The following SLC25A26 variants were observed in gnomAD, a reference collection of about 807,000 sequenced individuals.
SLC25A26 encodes the protein solute carrier family 25 member 26.
SLC25A26 carries 36 observed loss-of-function variants against 37.8 expected under a neutral mutation model. That is an observed-to-expected ratio of 0.95 (90% CI 0.73 to 1.26). SLC25A26 has a LOEUF of 1.26. Ranked by LOEUF, SLC25A26 falls within the 50% of genes most tolerant of loss-of-function variation. SLC25A26 has a pLI of 0.00. For synonymous variants in SLC25A26, 129 were observed against 122.5 expected (o/e 1.05, Z -0.35); for missense variants, 390 against 331.1 (o/e 1.18, Z -1.38).
intron 5 of SLC25A26, among the ~76,000 whole-genome samples, chr3:66,306,831 T>C (rs1179239430): frequency 6.6e-6 from 1 of 152,264 alleles, no homozygotes; most frequent in African/African-American, 2.4e-5. Flanking sequence ...GCAAAGGACA[T>C]GAACTCATAC....
intron 1 of SLC25A26, among the ~76,000 whole-genome samples, chr3:66,174,573 A>G (rs1021840782): frequency 6.6e-6 from 1 of 152,208 alleles, no homozygotes; most frequent in East Asian, 1.9e-4. Context: ...GAGGTCAGGA[A>G]ATCGAGACCA....
chr3:66,165,239 T>G (rs1341733952), intron 1 of SLC25A26, among the ~76,000 whole-genome samples: 1 of 152,178 alleles, frequency 6.6e-6, no homozygotes, highest in African/African-American at 2.4e-5. Flanking sequence ...TGGAAGTAGA[T>G]TCTCTAGCCC....
intron 1 of SLC25A26, among the ~76,000 whole-genome samples, chr3:66,175,105 G>C (rs1413886760): frequency 2.3e-5 from 1 of 43,344 alleles, no homozygotes; most frequent in Non-Finnish European, 5.0e-5. Flanking sequence ...GTATATGTGT[G>C]TGTGTATATA....
intron 1 of SLC25A26, among the ~76,000 whole-genome samples, chr3:66,158,965 AG>A (rs2070320613): frequency 6.6e-6 from 1 of 152,162 alleles, no homozygotes; most frequent in Non-Finnish European, 1.5e-5. Flanking sequence ...GACAGCATGC[AG>A]GGGGAGGTGC....
chr3:66,192,643 A>G (rs1308083391), intron 1 of SLC25A26, among the ~76,000 whole-genome samples: 1 of 152,240 alleles, frequency 6.6e-6, no homozygotes, highest in Non-Finnish European at 1.5e-5. Context: ...AGACATTCCT[A>G]TTAGAAGTCC....
chr3:66,351,250 T>C (rs1266403517), intron 6 of SLC25A26, among the ~76,000 whole-genome samples: 2 of 152,226 alleles, frequency 1.3e-5, no homozygotes, highest in African/African-American at 4.8e-5. Context: ...ATCCTGTTAC[T>C]GTGCTACATC....
At chr3:66,377,572 C>G in intron 9 of SLC25A26, 118 bp from the exon 10 acceptor site, 1 of 705,630 alleles carries the variant, frequency 1.4e-6, no homozygotes, top group East Asian at 2.5e-5. Flanking sequence ...CGTTCACAAG[C>G]TGTTTGGTAG....
intron 3 of SLC25A26, among the ~76,000 whole-genome samples, chr3:66,251,807 G>C (rs2073095112): frequency 6.6e-6 from 1 of 152,116 alleles, no homozygotes; most frequent in Non-Finnish European, 1.5e-5. Flanking sequence ...GTTTTCTGTT[G>C]TATGGATTTT....
At chr3:66,360,604 A>G (rs2076675900) in intron 6 of SLC25A26, among the ~76,000 whole-genome samples, 1 of 152,248 alleles carries the variant, frequency 6.6e-6, no homozygotes, top group African/African-American at 2.4e-5. Flanking sequence ...CAGTTTCTGC[A>G]TATTAGCAAT....
At chr3:66,320,240 A>G (rs783130) in intron 5 of SLC25A26, among the ~76,000 whole-genome samples, 7,856 of 152,218 alleles carry the variant, frequency 0.052, 229 homozygotes, top group African/African-American at 0.067. Context: ...CAAACTCTGT[A>G]ACCATTAAGC....
chr3:66,251,578 C>T (rs186629853), intron 3 of SLC25A26, among the ~76,000 whole-genome samples: 111 of 152,226 alleles, frequency 7.3e-4, no homozygotes, highest in Non-Finnish European at 1.5e-3. Context: ...GGAAAGAAGA[C>T]GAAAGAGAGA....
intron 5 of SLC25A26, among the ~76,000 whole-genome samples, chr3:66,323,446 A>G (rs1390638509): frequency 1.3e-5 from 2 of 152,204 alleles, no homozygotes; most frequent in East Asian, 1.9e-4. Context: ...ATAGAGAAAG[A>G]GTTTAATACA....
chr3:66,250,816 A>G (rs2073054211), intron 3 of SLC25A26, among the ~76,000 whole-genome samples: 1 of 152,156 alleles, frequency 6.6e-6, no homozygotes, highest in African/African-American at 2.4e-5. Flanking sequence ...TTTAAGCTGC[A>G]TTTAATTTAA....
intron 1 of SLC25A26, among the ~76,000 whole-genome samples, chr3:66,159,826 G>T (rs983837053): frequency 1.3e-5 from 2 of 152,004 alleles, no homozygotes; most frequent in African/African-American, 2.4e-5. Context: ...ATCTCATTCA[G>T]GTCCCAGGCA....
chr3:66,156,934 C>G (rs542862262), intron 1 of SLC25A26, among the ~76,000 whole-genome samples: 1 of 152,098 alleles, frequency 6.6e-6, no homozygotes, highest in South Asian at 2.1e-4. Flanking sequence ...CCGTCACCAT[C>G]CTCAGAAACA....
intron 1 of SLC25A26, among the ~76,000 whole-genome samples, chr3:66,203,147 G>A (rs1045622320): frequency 2.0e-5 from 3 of 152,150 alleles, no homozygotes; most frequent in Non-Finnish European, 4.4e-5. Context: ...TTGGGAGGCC[G>A]AGGCGGGAGG....
At chr3:66,214,366 A>G (rs2071330527) in intron 1 of SLC25A26, among the ~76,000 whole-genome samples, 3 of 151,962 alleles carry the variant, frequency 2.0e-5, no homozygotes, top group Non-Finnish European at 4.4e-5. Context: ...AGCCAAATAA[A>G]CCTCTTTTCT....
chr3:66,353,989 T>G (rs1031727401), intron 6 of SLC25A26, among the ~76,000 whole-genome samples: 3 of 152,244 alleles, frequency 2.0e-5, no homozygotes, highest in Non-Finnish European at 2.9e-5. Flanking sequence ...AATGCAAAGT[T>G]GGATAACTGT....
intron 3 of SLC25A26, among the ~76,000 whole-genome samples, chr3:66,259,124 C>G (rs971291382): frequency 1.3e-5 from 2 of 152,128 alleles, no homozygotes; most frequent in Non-Finnish European, 2.9e-5. Flanking sequence ...TTTTTCCTAA[C>G]TGGGAAGCCC....
Sources: allele counts gnomAD v4.1 joint callset (sites outside exome capture counted in the v4.1 genomes callset), GRCh38; gene constraint gnomAD v4.1.1; transcripts MANE v1.5; gene names NCBI Gene and HGNC (gene_info 2026-07-23, HGNC 2026-07-21).